The following LARGE1 variants were observed in gnomAD, a reference collection of about 807,000 sequenced individuals.
LARGE1 encodes LARGE xylosyl- and glucuronyltransferase 1, also known as xylosyl- and glucuronyltransferase LARGE1.
In LARGE1, 43 loss-of-function variants were observed where a neutral mutation model predicts 87.6. The ratio of observed to expected loss-of-function variants is 0.49; its 90% CI spans 0.38 to 0.63. The LOEUF (loss-of-function observed/expected upper bound fraction) is 0.63. Ranked by LOEUF, LARGE1 falls within the 30% of genes least tolerant of loss-of-function variation. LARGE1 has a pLI of 0.00. For synonymous variants in LARGE1, 434 were observed against 394.6 expected (o/e 1.10, Z -1.18); for missense variants, 802 against 1,000.2 (o/e 0.80, Z 2.67).
At chr22:33,306,134 G>A (rs950078327) in intron 11 of LARGE1, among the ~76,000 whole-genome samples, 16 of 152,070 alleles carry the variant, frequency 1.1e-4, no homozygotes, top group Admixed American at 3.3e-4. Context: ...GTGAGCCACC[G>A]CGCCTGGCCG....
chr22:33,818,130 C>T (rs1159270647), intron 1 of LARGE1, among the ~76,000 whole-genome samples: 2 of 152,208 alleles, frequency 1.3e-5, no homozygotes, highest in Non-Finnish European at 2.9e-5. Context: ...GGATTAGGCA[C>T]TGGTCCTCCA....
chr22:33,446,473 G>A (rs117863037), intron 6 of LARGE1, among the ~76,000 whole-genome samples: 383 of 152,294 alleles, frequency 2.5e-3, no homozygotes, highest in Non-Finnish European at 4.6e-3. Context: ...TCTTAAGCCC[G>A]TGCAGCCTGA....
At chr22:33,337,624 C>T (rs1433392445) in intron 10 of LARGE1, 22 bp downstream of exon 10, 1 of 1,613,904 alleles carries the variant, frequency 6.2e-7, no homozygotes, top group Non-Finnish European at 8.5e-7. Context: ...CCCTTCCCTG[C>T]CCAGCCTTGC....
intron 1 of LARGE1, among the ~76,000 whole-genome samples, chr22:33,797,541 G>A (rs1003025943): frequency 1.3e-5 from 2 of 152,164 alleles, no homozygotes; most frequent in African/African-American, 2.4e-5. Context: ...AGGAGCCAAC[G>A]GTGGTTGGAG....
At chr22:33,093,832 T>C in the LARGE1 span, among the ~76,000 whole-genome samples, 6 of 143,422 alleles carry the variant, frequency 4.2e-5, no homozygotes, top group Admixed American at 3.5e-4. Context: ...CTTTTTTTTT[T>C]TTTTTTTTTT....
intron 2 of LARGE1, among the ~76,000 whole-genome samples, chr22:33,651,223 T>TAAAAAAAAAAAAAAAAAAAAAAAA (rs1371688457): frequency 1.2e-4 from 2 of 17,144 alleles, no homozygotes; most frequent in Non-Finnish European, 2.3e-4. Flanking sequence ...CTACTAAAAA[T>TAAAAAAAAAAAAAAAAAAAAAAAA]ACAAAAAAAA....
the LARGE1 span, among the ~76,000 whole-genome samples, chr22:33,110,127 C>A: frequency 6.6e-6 from 1 of 152,148 alleles, no homozygotes; most frequent in Non-Finnish European, 1.5e-5. Context: ...CTGACTATTC[C>A]CATTTTCTAA....
intron 6 of LARGE1, among the ~76,000 whole-genome samples, chr22:33,513,812 T>TACACACACACACATACACACACAC (rs111795849): frequency 1.4e-5 from 2 of 143,178 alleles, no homozygotes; most frequent in African/African-American, 5.2e-5. Context: ...AGAGCTGATG[T>TACACACACACACATACACACACAC]ACACACACAC....
intron 6 of LARGE1, among the ~76,000 whole-genome samples, chr22:33,464,482 AG>A (rs1317899724): frequency 6.6e-6 from 1 of 152,184 alleles, no homozygotes; most frequent in Non-Finnish European, 1.5e-5. Context: ...AAATTGGCAA[AG>A]GCTTAGTTTG....
Position 33,304,761 on chromosome 22 carries a change from T to G in LARGE1, c.1452-254A>C, listed in dbSNP as rs75528068. On this transcript the variant is annotated intron_variant, in intron 11 of 14. Transcript: ENST00000397394. ...TTGTATCCCACTATAAGCCTTGGAC[T>G]CCTCGTTTCAAAGCCAGGTGGTGAG... Among the ~76,000 whole-genome samples, 5,194 of 152,266 alleles carry G rather than the reference T, an allele frequency of 0.034. 264 individuals carry two copies. Among genetic ancestry groups the G allele is most frequent in the African/African-American group, 0.12 (4,958 of 41,534 alleles).
At chr22:33,285,882 A>G (rs1452343818) in intron 12 of LARGE1, among the ~76,000 whole-genome samples, 1 of 152,170 alleles carries the variant, frequency 6.6e-6, no homozygotes, top group Non-Finnish European at 1.5e-5. Flanking sequence ...TCAGGTCAGA[A>G]TAAGGACAGT....
At chr22:33,820,144 T>C (rs1402557101) in intron 1 of LARGE1, among the ~76,000 whole-genome samples, 1 of 152,222 alleles carries the variant, frequency 6.6e-6, no homozygotes, top group East Asian at 1.9e-4. Context: ...CCATTCAGCC[T>C]GCTTTAACTA....
At chr22:33,520,115 C>T (rs994993507) in intron 6 of LARGE1, among the ~76,000 whole-genome samples, 11 of 151,460 alleles carry the variant, frequency 7.3e-5, no homozygotes, top group African/African-American at 2.7e-4. Context: ...AGCAATCCTC[C>T]CTCTTCAGCC....
chr22:33,293,816 A>G (rs764421802), intron 12 of LARGE1, among the ~76,000 whole-genome samples: 2 of 152,136 alleles, frequency 1.3e-5, no homozygotes, highest in Non-Finnish European at 2.9e-5. Flanking sequence ...TATACTGGCT[A>G]TTTCCTTTCA....
chr22:33,324,018 G>C (rs1409929495), intron 10 of LARGE1, among the ~76,000 whole-genome samples: 7 of 151,942 alleles, frequency 4.6e-5, no homozygotes, highest in Non-Finnish European at 1.0e-4. Context: ...GATCACCTGA[G>C]GTCGGGAGTT....
intron 9 of LARGE1, among the ~76,000 whole-genome samples, chr22:33,357,743 G>A (rs535519925): frequency 3.3e-5 from 5 of 152,234 alleles, no homozygotes; most frequent in South Asian, 2.1e-4. Context: ...GAGGGGGGCC[G>A]AGATTGCACC....
At chr22:33,372,521 G>C (rs905961677) in intron 9 of LARGE1, among the ~76,000 whole-genome samples, 4 of 152,160 alleles carry the variant, frequency 2.6e-5, no homozygotes, top group African/African-American at 9.7e-5. Context: ...CAGCAGGCAA[G>C]ACAGAGTGAG....
chr22:33,212,973 G>A (rs915454561), intron 11 of LARGE1, among the ~76,000 whole-genome samples: 4 of 151,396 alleles, frequency 2.6e-5, no homozygotes, highest in Admixed American at 6.6e-5. Context: ...AGCCGAGATC[G>A]TGCCATTGCA....
intron 7 of LARGE1, among the ~76,000 whole-genome samples, chr22:33,386,045 T>C (rs2065312860): frequency 1.3e-5 from 2 of 148,746 alleles, no homozygotes; most frequent in Non-Finnish European, 3.0e-5. Context: ...AAATAGTATC[T>C]ATATGGCTAT....
Sources: gnomAD v4.1 joint callset for allele counts (sites outside exome capture counted in the v4.1 genomes callset) on GRCh38, gnomAD v4.1.1 for gene constraint, MANE v1.5 for transcripts, NCBI Gene and HGNC (gene_info 2026-07-23, HGNC 2026-07-21) for gene names.